The following CAPS2 variants were observed in gnomAD, a reference collection of about 807,000 sequenced individuals.
CAPS2 encodes the protein calcyphosin-2.
A neutral mutation model predicts 86.5 loss-of-function variants in CAPS2; 98 were observed. The observed-to-expected ratio is 1.13, with a 90% confidence interval of 0.96 to 1.34. CAPS2 has a LOEUF of 1.34. Among genes scored for constraint, CAPS2 ranks in the 40% most tolerant of loss-of-function variants. CAPS2 has a pLI of 0.00. For missense variants in CAPS2, 729 were observed against 686.8 expected, an observed-to-expected ratio of 1.06 and a Z score of -0.69; for synonymous variants, 210 against 225.1, an observed-to-expected ratio of 0.93 and a Z score of 0.60.
At chr12:75,287,927 G>T (rs535335726) in intron 14 of CAPS2, among the ~76,000 whole-genome samples, 1 of 152,270 alleles carries the variant, frequency 6.6e-6, no homozygotes, top group Middle Eastern at 3.4e-3. Context: ...ATCTCACCCT[G>T]TGGGATCTGA....
chr12:75,313,193 G>A (rs957478320), intron 6 of CAPS2, among the ~76,000 whole-genome samples: 6 of 151,922 alleles, frequency 3.9e-5, no homozygotes, highest in Non-Finnish European at 5.9e-5. Context: ...GCATTTTATG[G>A]AGCAGACTAA....
intron 6 of CAPS2, among the ~76,000 whole-genome samples, chr12:75,313,611 C>T (rs1249784513): frequency 1.3e-5 from 2 of 151,778 alleles, no homozygotes; most frequent in Non-Finnish European, 2.9e-5. Flanking sequence ...TTATATTATC[C>T]TGCAACTATA....
chr12:75,280,050 C>T (rs2033644218), intron 16 of CAPS2, among the ~76,000 whole-genome samples: 1 of 151,806 alleles, frequency 6.6e-6, no homozygotes, highest in Non-Finnish European at 1.5e-5. Flanking sequence ...TTTTTTCAGT[C>T]CTCTCGGAGA....
At chr12:75,288,217 T>G (rs551457379) in intron 14 of CAPS2, among the ~76,000 whole-genome samples, 14 of 152,342 alleles carry the variant, frequency 9.2e-5, no homozygotes, top group Non-Finnish European at 1.8e-4. Context: ...GGAAGTTAGA[T>G]GATCCCTAGT....
chr12:75,334,504 C>T, upstream of CAPS2: 2 of 1,344,442 alleles, frequency 1.5e-6, no homozygotes, highest in Non-Finnish European at 1.9e-6. Flanking sequence ...CAGAGGGCGA[C>T]TCAGAGCTTT....
At chr12:75,321,322 T>G in intron 5 of CAPS2, 78 bp downstream of exon 5, 1 of 887,820 alleles carries the variant, frequency 1.1e-6, no homozygotes, top group South Asian at 1.9e-5. Context: ...GCAAGATATG[T>G]CACACAAAAA....
intron 1 of CAPS2, among the ~76,000 whole-genome samples, chr12:75,337,180 C>A (rs2041793463): frequency 6.6e-6 from 1 of 151,658 alleles, no homozygotes. Context: ...AAGACCTATT[C>A]TTTCAACTCA....
intron 15 of CAPS2, among the ~76,000 whole-genome samples, chr12:75,283,572 G>A (rs542507199): frequency 6.6e-6 from 1 of 152,246 alleles, no homozygotes; most frequent in African/African-American, 2.4e-5. Context: ...AGCACTTTGG[G>A]AAGCTGAGGT....
intron 8 of CAPS2, among the ~76,000 whole-genome samples, chr12:75,300,360 T>TC (rs2037615052): frequency 6.6e-6 from 1 of 151,320 alleles, no homozygotes; most frequent in Non-Finnish European, 1.5e-5. Flanking sequence ...ATCGAGACCA[T>TC]CTGGCTAACA....
intron 4 of CAPS2, 133 bp from the exon 5 acceptor site, chr12:75,321,709 G>A: frequency 8.9e-6 from 6 of 675,212 alleles, no homozygotes; most frequent in Non-Finnish European, 1.5e-5. Context: ...GTTCTAAGCA[G>A]AGATGGTATT....
At chr12:75,336,070 A>T (rs925919598) in intron 1 of CAPS2, among the ~76,000 whole-genome samples, 2 of 152,032 alleles carry the variant, frequency 1.3e-5, no homozygotes, top group African/African-American at 2.4e-5. Flanking sequence ...ACCAATGCAT[A>T]AAAAATGAAG....
chr12:75,300,353 GAGACCATCTGGCTAACACGGTGAA>G lies in CAPS2; in HGVS notation c.780-466_780-443del, dbSNP rs531610247. Among the ~76,000 whole-genome samples, 90 of 151,806 alleles carry G rather than the reference GAGACCATCTGGCTAACACGGTGAA, an allele frequency of 5.9e-4. No homozygotes were observed. In the East Asian group the frequency reaches 0.012, roughly 21 times the overall value. ...GGGTGGATCACGAGGTCAGGAGATCGAGACCATCTGGCTAACACGGTGAAACCCCATCTCTACTAAAAATTACAA... is the reference window on the plus strand; with the variant it reads ...GGGTGGATCACGAGGTCAGGAGATCGACCCCATCTCTACTAAAAATTACAA... On this transcript the variant is annotated intron_variant, in intron 8 of 16. Transcript: ENST00000393284.
chr12:75,352,477 A>C (rs1016328745), intron 1 of CAPS2, among the ~76,000 whole-genome samples: 3 of 152,250 alleles, frequency 2.0e-5, no homozygotes, highest in Non-Finnish European at 2.9e-5. Context: ...TATGCACCCA[A>C]TACAGGAGCA....
At chr12:75,285,360 A>T (rs1364724549) in intron 14 of CAPS2, among the ~76,000 whole-genome samples, 1 of 152,044 alleles carries the variant, frequency 6.6e-6, no homozygotes, top group Non-Finnish European at 1.5e-5. Context: ...TAATAATTGT[A>T]TATAGTTATA....
At chr12:75,327,062 C>T (rs2040850460), upstream of CAPS2, among the ~76,000 whole-genome samples, 1 of 152,038 alleles carries the variant, frequency 6.6e-6, no homozygotes, top group African/African-American at 2.4e-5. Context: ...GTTGACAGCT[C>T]GATTTTAGCC....
chr12:75,347,464 T>A (rs923780562), intron 1 of CAPS2, among the ~76,000 whole-genome samples: 1 of 152,076 alleles, frequency 6.6e-6, no homozygotes, highest in African/African-American at 2.4e-5. Context: ...AATATAAGAA[T>A]TTTAATATAA....
intron 11 of CAPS2, among the ~76,000 whole-genome samples, chr12:75,296,544 G>C (rs537473770): frequency 6.6e-6 from 1 of 152,200 alleles, no homozygotes; most frequent in East Asian, 1.9e-4. Context: ...TGCCCCCCTC[G>C]GCCTCCCAAA....
chr12:75,296,533 C>T (rs371473623), intron 11 of CAPS2, among the ~76,000 whole-genome samples: 17 of 152,270 alleles, frequency 1.1e-4, no homozygotes, highest in Middle Eastern at 3.4e-3. Flanking sequence ...ACCTCGTGAT[C>T]TGCCCCCCTC....
intron 8 of CAPS2, among the ~76,000 whole-genome samples, chr12:75,300,417 G>T (rs532257183): frequency 1.3e-5 from 2 of 151,958 alleles, no homozygotes; most frequent in East Asian, 1.9e-4. Flanking sequence ...TTAGCCGGGC[G>T]TGGTGGTGGG....
Sources: allele counts gnomAD v4.1 joint callset (sites outside exome capture counted in the v4.1 genomes callset), GRCh38; gene constraint gnomAD v4.1.1; transcripts MANE v1.5; gene names NCBI Gene and HGNC (gene_info 2026-07-23, HGNC 2026-07-21).